The following TENM3 variants were observed in gnomAD, a reference collection of about 807,000 sequenced individuals.
TENM3 encodes teneurin transmembrane protein 3.
A neutral mutation model predicts 255.1 loss-of-function variants in TENM3; 63 were observed. The ratio of observed to expected loss-of-function variants is 0.25; its 90% CI spans 0.20 to 0.30. TENM3 has a LOEUF of 0.30. Among genes scored for constraint, TENM3 ranks in the 10% least tolerant of loss-of-function variants. The pLI is 1.00. For missense variants in TENM3, 2,929 were observed against 3,461.1 expected (o/e 0.85, Z 3.86); for synonymous variants, 1,306 against 1,322.3 (o/e 0.99, Z 0.27).
At chr4:182,272,844 C>T (rs1457625738) in intron 1 of TENM3, among the ~76,000 whole-genome samples, 2 of 152,038 alleles carry the variant, frequency 1.3e-5, no homozygotes, top group African/African-American at 4.8e-5. Flanking sequence ...GAATGAAGCA[C>T]CATGAGAGAG....
chr4:181,697,664 T>G, the TENM3 span, among the ~76,000 whole-genome samples: 1 of 152,090 alleles, frequency 6.6e-6, no homozygotes, highest in Non-Finnish European at 1.5e-5. Flanking sequence ...AGTGCTGGGA[T>G]TACAGGCGTA....
chr4:181,487,690 G>A, the TENM3 span, among the ~76,000 whole-genome samples: 2 of 152,114 alleles, frequency 1.3e-5, no homozygotes, highest in Middle Eastern at 3.4e-3. Context: ...TCAGATCATA[G>A]CAATACCTGA....
At chr4:181,671,934 G>A in the TENM3 span, among the ~76,000 whole-genome samples, 1 of 152,198 alleles carries the variant, frequency 6.6e-6, no homozygotes, top group African/African-American at 2.4e-5. Context: ...TCTCAAGACT[G>A]ACTAGGAATA....
At chr4:182,405,843 G>T (rs1002075777) in intron 3 of TENM3, among the ~76,000 whole-genome samples, 3 of 152,158 alleles carry the variant, frequency 2.0e-5, no homozygotes, top group African/African-American at 7.2e-5. Context: ...CAGAAGGCAG[G>T]CAAGAAAGCT....
chr4:181,539,522 A>C, the TENM3 span, among the ~76,000 whole-genome samples: 3 of 152,200 alleles, frequency 2.0e-5, no homozygotes, highest in Non-Finnish European at 4.4e-5. Flanking sequence ...AGTAAAACTT[A>C]ATACGTTTAT....
At chr4:182,604,488 C>T (rs1748222881) in intron 4 of TENM3, among the ~76,000 whole-genome samples, 1 of 152,148 alleles carries the variant, frequency 6.6e-6, no homozygotes, top group Non-Finnish European at 1.5e-5. Context: ...TTTTATACTT[C>T]AGCTGCTTCA....
intron 12 of TENM3, among the ~76,000 whole-genome samples, chr4:182,699,655 G>A (rs1161857435): frequency 6.6e-6 from 1 of 152,044 alleles, no homozygotes; most frequent in African/African-American, 2.4e-5. Flanking sequence ...CTCATGTTAA[G>A]CCAATATAAG....
chr4:181,782,255 T>A, the TENM3 span, among the ~76,000 whole-genome samples: 1 of 151,996 alleles, frequency 6.6e-6, no homozygotes, highest in South Asian at 2.1e-4. Context: ...GGCCCTGGAC[T>A]TTTTTTGGTT....
intron 1 of TENM3, among the ~76,000 whole-genome samples, chr4:182,216,702 C>T (rs1755493906): frequency 6.6e-6 from 1 of 152,188 alleles, no homozygotes; most frequent in Non-Finnish European, 1.5e-5. Flanking sequence ...CCATAACTTC[C>T]TTATTCACAG....
chr4:182,350,810 G>GT (rs887627678), intron 3 of TENM3, among the ~76,000 whole-genome samples: 1 of 152,100 alleles, frequency 6.6e-6, no homozygotes, highest in African/African-American at 2.4e-5. Context: ...TCAGCCTCCT[G>GT]AGTAGCTGGG....
At chr4:181,903,018 G>A in the TENM3 span, among the ~76,000 whole-genome samples, 2 of 151,964 alleles carry the variant, frequency 1.3e-5, no homozygotes, top group African/African-American at 2.4e-5. Flanking sequence ...TTAAGTTTGG[G>A]GAAAAATGCT....
intron 12 of TENM3, among the ~76,000 whole-genome samples, chr4:182,703,291 C>A (rs1324848835): frequency 6.6e-6 from 1 of 152,156 alleles, no homozygotes; most frequent in African/African-American, 2.4e-5. Context: ...GATAACAGAA[C>A]TTGTAATTTG....
the TENM3 span, among the ~76,000 whole-genome samples, chr4:181,605,597 GAAAGAAAGAAAGAAAGAAAA>G: frequency 0.028 from 3,441 of 123,416 alleles, 445 homozygotes; most frequent in Non-Finnish European, 0.04. Flanking sequence ...AAGAAAGAAA[GAAAGAAAGAAAGAAAGAAAA>G]GAAAGAACAA....
At chr4:182,438,916 T>A (rs902619387) in intron 3 of TENM3, among the ~76,000 whole-genome samples, 2 of 152,216 alleles carry the variant, frequency 1.3e-5, no homozygotes, top group African/African-American at 4.8e-5. Flanking sequence ...TTCTACATAT[T>A]TTTACAGTGG....
chr4:182,439,310 A>G (rs1024041402), intron 3 of TENM3, among the ~76,000 whole-genome samples: 1 of 152,086 alleles, frequency 6.6e-6, no homozygotes, highest in Non-Finnish European at 1.5e-5. Context: ...CTTACTGTGT[A>G]TGTTTCTATG....
At chr4:182,294,122 A>G (rs1479291995) in intron 1 of TENM3, among the ~76,000 whole-genome samples, 1 of 152,044 alleles carries the variant, frequency 6.6e-6, no homozygotes, top group African/African-American at 2.4e-5. Flanking sequence ...TGCCTTTGAC[A>G]ATTGGCTGAG....
the TENM3 span, among the ~76,000 whole-genome samples, chr4:181,868,461 A>T: frequency 0.24 from 36,847 of 152,078 alleles, 4,961 homozygotes; most frequent in Admixed American, 0.28. Context: ...ATGATTTGAC[A>T]ACTAATTGGC....
intron 1 of TENM3, among the ~76,000 whole-genome samples, chr4:182,197,581 A>G (rs569768304): frequency 5.9e-5 from 9 of 152,360 alleles, no homozygotes; most frequent in Admixed American, 3.9e-4. Flanking sequence ...GCAGCTCAAC[A>G]ATACAAAAAG....
the TENM3 span, among the ~76,000 whole-genome samples, chr4:181,528,213 C>A: frequency 1.3e-5 from 2 of 151,930 alleles, no homozygotes; most frequent in African/African-American, 4.8e-5. Context: ...TTGGTATATA[C>A]CCCACCCAAT....
Sources: gnomAD v4.1 joint callset for allele counts (sites outside exome capture counted in the v4.1 genomes callset) on GRCh38, gnomAD v4.1.1 for gene constraint, MANE v1.5 for transcripts, NCBI Gene and HGNC (gene_info 2026-07-23, HGNC 2026-07-21) for gene names.